DNAJC6: variants seen among roughly 807,000 people sequenced by gnomAD.
DNAJC6 encodes the protein DnaJ heat shock protein family (Hsp40) member C6, also known as auxilin.
Under a neutral mutation model 110.0 loss-of-function variants are expected in DNAJC6, and 34 were observed. The ratio of observed to expected loss-of-function variants is 0.31; its 90% CI spans 0.24 to 0.41. DNAJC6 has a LOEUF of 0.41. Among genes scored for constraint, DNAJC6 ranks in the 10% least tolerant of loss-of-function variants. The probability of loss-of-function intolerance (pLI) is 1.00; values close to 1 mark genes in which losing one functional copy is unlikely to be tolerated. For missense variants in DNAJC6, 1,031 were observed against 1,207.8 expected, an observed-to-expected ratio of 0.85 and a Z score of 2.17; for synonymous variants, 406 against 437.2, an observed-to-expected ratio of 0.93 and a Z score of 0.89.
chr1:65,317,257 A>G (rs1267279444), intron 1 of DNAJC6, among the ~76,000 whole-genome samples: 1 of 152,238 alleles, frequency 6.6e-6, no homozygotes, highest in Non-Finnish European at 1.5e-5. Flanking sequence ...TAACTCTGAA[A>G]AAACTAAATT....
intron 1 of DNAJC6, among the ~76,000 whole-genome samples, chr1:65,351,971 G>A (rs1645494404): frequency 6.6e-6 from 1 of 151,988 alleles, no homozygotes; most frequent in African/African-American, 2.4e-5. Flanking sequence ...TCACCATGTT[G>A]GCCAGGCTGG....
chr1:65,379,760 T>C, intron 5 of DNAJC6: 1 of 427,078 alleles, frequency 2.3e-6, no homozygotes, highest in Non-Finnish European at 4.1e-6. Context: ...GTGGGGACTC[T>C]AGAATGTGCT....
intron 1 of DNAJC6, among the ~76,000 whole-genome samples, chr1:65,294,175 A>G (rs1001119252): frequency 6.6e-6 from 1 of 152,224 alleles, no homozygotes. Context: ...CTTGTGAACT[A>G]TAACAGAAAA....
At chr1:65,384,140 A>G in intron 5 of DNAJC6, 53 bp from the exon 6 acceptor site, 1 of 1,366,866 alleles carries the variant, frequency 7.3e-7, no homozygotes, top group South Asian at 2.2e-5. Context: ...TTTTCAATGG[A>G]GAATGGCTGA....
intron 1 of DNAJC6, among the ~76,000 whole-genome samples, chr1:65,318,216 A>G (rs1410694000): frequency 2.0e-5 from 3 of 152,240 alleles, no homozygotes; most frequent in African/African-American, 7.2e-5. Context: ...AAAAATGTTT[A>G]CATTTTAATT....
In DNAJC6 at chr1:65,411,364, G is replaced by T. The variant is rs1213395431; in HGVS notation, c.2749G>T (p.Val917Leu). 3 of 1,614,194 alleles carry T rather than the reference G, an allele frequency of 1.9e-6. No individual in the cohort carries two copies. The highest frequency in any genetic ancestry group is 8.5e-7 in the Non-Finnish European group (1 of 1,180,028). The change falls in exon 18 of 19, where the codon GTA (valine) becomes TTA (leucine). Residue 917 changes from valine to leucine, a missense_variant. Physicochemically the swap from Val to Leu is conservative, Grantham distance 32. Coordinates refer to ENST00000371069, the MANE Select transcript of DNAJC6 (RefSeq NM_001256864.2). Reference sequence around the variant, plus strand: ...GAAACCAGTTGGCATGGCAGACCTGGTAACACCAGAGCAGGTGAAGAAGGT... The same window carrying T: ...GAAACCAGTTGGCATGGCAGACCTGTTAACACCAGAGCAGGTGAAGAAGGT... ...KWKPVGMADLVTPEQVKKVYR... is the reference protein window; with the variant it reads ...KWKPVGMADLLTPEQVKKVYR...
chr1:65,306,975 TC>T (rs1557511748), upstream of DNAJC6, among the ~76,000 whole-genome samples: 16 of 32,184 alleles, frequency 5.0e-4, no homozygotes, highest in East Asian at 0.024. Context: ...AATCTGTTTC[TC>T]TCTCTCTCTC....
intron 18 of DNAJC6, among the ~76,000 whole-genome samples, chr1:65,412,213 T>A (rs1646135800): frequency 6.6e-6 from 1 of 152,236 alleles, no homozygotes; most frequent in African/African-American, 2.4e-5. Context: ...TATGTTTTCA[T>A]TGAAGTATAT....
chr1:65,393,104 A>G (rs898239605), intron 12 of DNAJC6, among the ~76,000 whole-genome samples: 6 of 152,152 alleles, frequency 3.9e-5, no homozygotes, highest in African/African-American at 1.4e-4. Context: ...TCTTACTTCT[A>G]ATTTTCTTTG....
intron 1 of DNAJC6, among the ~76,000 whole-genome samples, chr1:65,265,392 A>G (rs1006445851): frequency 4.6e-5 from 7 of 152,190 alleles, no homozygotes; most frequent in Non-Finnish European, 8.8e-5. Flanking sequence ...TTTAATGAAC[A>G]TTAATCTTTT....
intron 14 of DNAJC6, among the ~76,000 whole-genome samples, chr1:65,400,592 C>G (rs990410443): frequency 9.2e-5 from 14 of 152,182 alleles, no homozygotes; most frequent in African/African-American, 3.4e-4. Context: ...ATTTGTCTTT[C>G]TGTGCCTGGC....
intron 1 of DNAJC6, among the ~76,000 whole-genome samples, chr1:65,273,668 A>AAAACACC (rs1653577381): frequency 6.6e-6 from 1 of 152,090 alleles, no homozygotes; most frequent in Non-Finnish European, 1.5e-5. Context: ...ACCTGCAAGT[A>AAAACACC]TTGTTATATT....
At position 65,406,078 on chromosome 1, in the gene DNAJC6, C is replaced by G. The variant is rs761160074; in HGVS notation, c.2436C>G (p.Ser812Arg). The G allele has an allele frequency of 3.7e-6, 6 of 1,614,188 alleles. No homozygotes were observed. Among genetic ancestry groups the G allele is most frequent in the Non-Finnish European group, 5.1e-6 (6 of 1,180,034 alleles). ...SPQNRPNYNV[S>R]FSAMPGGQNE... ...AGAACCGACCCAACTACAACGTGAGCTTCTCAGCCATGCCTGGGGGCCAGA... is the reference window on the plus strand; with the variant it reads ...AGAACCGACCCAACTACAACGTGAGGTTCTCAGCCATGCCTGGGGGCCAGA... The change falls in exon 16 of 19, where the codon AGC (serine) becomes AGG (arginine). Residue 812 changes from serine (S) to arginine (R), a missense_variant. Ser to Arg is a moderately radical substitution (Grantham distance 110). Transcript: ENST00000371069.
intron 1 of DNAJC6, among the ~76,000 whole-genome samples, chr1:65,354,812 A>G (rs1645526662): frequency 1.3e-5 from 2 of 152,204 alleles, no homozygotes; most frequent in Non-Finnish European, 2.9e-5. Flanking sequence ...ACACAAGCAC[A>G]TGTATATTAT....
chr1:65,300,673 C>T (rs181275811), intron 1 of DNAJC6, among the ~76,000 whole-genome samples: 17 of 152,306 alleles, frequency 1.1e-4, no homozygotes, highest in South Asian at 6.2e-4. Flanking sequence ...ATCCTTCTCA[C>T]GAAACCTTTC....
At position 65,395,025 on chromosome 1, in the gene DNAJC6, A is replaced by G. The variant is rs748587557; in HGVS notation, c.2031A>G (p.Thr677=). 15 of 1,605,506 alleles carry G rather than the reference A, an allele frequency of 9.3e-6. No homozygotes were observed. The South Asian group carries it at 1.7e-4, about 18-fold the overall frequency. The change falls in exon 13 of 19, where the codon ACA becomes ACG. Residue 677 remains threonine (T), a synonymous_variant. Coordinates refer to ENST00000371069, the MANE Select transcript of DNAJC6 (RefSeq NM_001256864.2). ...FLQPTRSPSP[T]VHASSTPAVN... ...AGCCAACAAGAAGTCCTTCGCCCAC[A>G]GTACATGGTAAGGAAATATTTTATA...
chr1:65,265,720 C>T (rs1233243676), intron 1 of DNAJC6, among the ~76,000 whole-genome samples: 2 of 152,220 alleles, frequency 1.3e-5, no homozygotes, highest in Admixed American at 1.3e-4. Context: ...CGATGGACCC[C>T]TAGGTCTCCG....
intron 4 of DNAJC6, among the ~76,000 whole-genome samples, chr1:65,373,362 T>C (rs2101575854): frequency 6.6e-6 from 1 of 152,158 alleles, no homozygotes; most frequent in East Asian, 1.9e-4. Flanking sequence ...CTTCATACTG[T>C]CCTCTATGGT....
chr1:65,374,267 CT>C (rs573325501), intron 4 of DNAJC6, among the ~76,000 whole-genome samples: 365 of 150,440 alleles, frequency 2.4e-3, no homozygotes, highest in African/African-American at 8.6e-3. Flanking sequence ...TATTTGGAGT[CT>C]TTTGTGGTTC....
Sources: gnomAD v4.1 joint callset for allele counts (sites outside exome capture counted in the v4.1 genomes callset) on GRCh38, gnomAD v4.1.1 for gene constraint, MANE v1.5 for transcripts, NCBI Gene and HGNC (gene_info 2026-07-23, HGNC 2026-07-21) for gene names.